Variants in PTBP2 observed in about 807,000 individuals in gnomAD.
PTBP2 encodes polypyrimidine tract binding protein 2, also known as polypyrimidine tract-binding protein 2.
In PTBP2, 13 loss-of-function variants were observed where a neutral mutation model predicts 61.4. The ratio of observed to expected loss-of-function variants is 0.21; its 90% CI spans 0.14 to 0.34. The LOEUF is 0.34. Among genes scored for constraint, PTBP2 ranks in the 10% least tolerant of loss-of-function variants. The pLI, the probability that PTBP2 is intolerant of heterozygous loss-of-function variation, is 1.00. For synonymous variants in PTBP2, 215 were observed against 218.5 expected (o/e 0.98, Z 0.14); for missense variants, 405 against 642.6 (o/e 0.63, Z 4.00).
intron 11 of PTBP2, among the ~76,000 whole-genome samples, chr1:96,811,640 C>G (rs576947359): frequency 5.5e-4 from 84 of 152,242 alleles, no homozygotes; most frequent in Non-Finnish European, 8.1e-4. Flanking sequence ...TGGTCTCGAA[C>G]TCCTAGACCT....
chr1:96,812,673 T>G, intron 11 of PTBP2, 39 bp from the exon 12 acceptor site: 1 of 1,400,848 alleles, frequency 7.1e-7, no homozygotes, highest in African/African-American at 1.4e-5. Flanking sequence ...GTTTTGAGCT[T>G]TGATATTGTT....
chr1:96,786,031 G>A (rs890290004), intron 8 of PTBP2, among the ~76,000 whole-genome samples: 9 of 152,102 alleles, frequency 5.9e-5, no homozygotes, highest in African/African-American at 2.2e-4. Flanking sequence ...TTGATTTCTA[G>A]TATTGGTAAG....
chr1:96,722,347 T>C (rs1377183026), intron 1 of PTBP2, among the ~76,000 whole-genome samples: 4 of 151,768 alleles, frequency 2.6e-5, no homozygotes, highest in Non-Finnish European at 2.9e-5. Flanking sequence ...ACCCCAGCCA[T>C]GAGCAACCTC....
chr1:96,750,392 G>GTT (rs200064706), intron 2 of PTBP2, among the ~76,000 whole-genome samples: 8 of 145,824 alleles, frequency 5.5e-5, no homozygotes, highest in South Asian at 4.3e-4. Flanking sequence ...GTATTTTTCT[G>GTT]TTTTTTTTTT....
Position 96,751,512 on chromosome 1 carries a change from T to A in PTBP2, c.115+12T>A. Reference sequence around the variant, plus strand: ...CATGGTAGTTACAGGTAAGTGTTACTCTCTTAGCAGTCTGTCATTTGCCAT... The same window carrying A: ...CATGGTAGTTACAGGTAAGTGTTACACTCTTAGCAGTCTGTCATTTGCCAT... On this transcript the variant is annotated intron_variant, in intron 3 of 13. Transcript: ENST00000674951. 1 of 1,601,504 alleles carries A rather than the reference T, an allele frequency of 6.2e-7. No individual in the cohort carries two copies. Among genetic ancestry groups the A allele is most frequent in the Non-Finnish European group, 8.5e-7 (1 of 1,169,790 alleles).
intron 5 of PTBP2, among the ~76,000 whole-genome samples, chr1:96,776,742 G>A (rs1367928944): frequency 6.6e-6 from 1 of 151,312 alleles, no homozygotes; most frequent in Non-Finnish European, 1.5e-5. Flanking sequence ...AACAGGAAAG[G>A]GATAATAGTA....
intron 3 of PTBP2, among the ~76,000 whole-genome samples, chr1:96,757,782 A>G (rs368865808): frequency 2.0e-5 from 3 of 152,240 alleles, no homozygotes; most frequent in African/African-American, 7.2e-5. Context: ...CATCTAGGAA[A>G]GTACTAAATA....
At chr1:96,740,446 C>G (rs1046853820) in intron 2 of PTBP2, among the ~76,000 whole-genome samples, 2 of 152,158 alleles carry the variant, frequency 1.3e-5, no homozygotes, top group Admixed American at 6.5e-5. Context: ...AGGCCTTACT[C>G]TCATGATCTC....
chr1:96,817,554 G>A (rs1363011015), downstream of PTBP2: 4 of 151,820 alleles, frequency 2.6e-5, no homozygotes, highest in East Asian at 7.7e-4. Flanking sequence ...GTTCAAATAC[G>A]CGGAAAAATA....
Position 96,749,651 on chromosome 1 carries a change from A to T in PTBP2, c.40-1774A>T, listed in dbSNP as rs1362009105. 2.9e-5 allele frequency: 13 copies of T among 455,912 alleles called. No homozygotes were observed. The highest frequency in any genetic ancestry group is 1.1e-4 in the South Asian group (7 of 64,542). The allele number at this position is 455,912 out of a possible 1,614,324, so 28.2% of individuals were successfully genotyped here. On this transcript the variant is annotated intron_variant, in intron 2 of 13. Transcript: ENST00000674951. ...CTTGACCTTCAGTTTTTTTGGTCTG[A>T]GAACAAAGGCCAAAAAATATGTAAC...
chr1:96,776,692 A>T (rs1319510760), intron 5 of PTBP2, among the ~76,000 whole-genome samples: 3 of 151,856 alleles, frequency 2.0e-5, no homozygotes, highest in Non-Finnish European at 1.5e-5. Flanking sequence ...CAGATAAGGT[A>T]GAAAGAAATT....
rs768207326 is a variant in PTBP2 at position 96,812,699 on chromosome 1, T to C, written c.1172-13T>C. The C allele has an allele frequency of 6.5e-7, 1 of 1,534,330 alleles. No individual in the cohort carries two copies. Among genetic ancestry groups the C allele is most frequent in the Non-Finnish European group, 9.0e-7 (1 of 1,111,904 alleles). On this transcript the variant is annotated splice_polypyrimidine_tract_variant and intron_variant, in intron 11 of 13. Coordinates refer to ENST00000674951, the MANE Select transcript of PTBP2 (RefSeq NM_021190.4). ...TGATATTGTTTGTTAATAGACATGCTTTCTTTTTATAGCCATGAATCATCT... is the reference window on the plus strand; with the variant it reads ...TGATATTGTTTGTTAATAGACATGCCTTCTTTTTATAGCCATGAATCATCT...
intron 11 of PTBP2, among the ~76,000 whole-genome samples, chr1:96,812,381 T>C (rs1288017345): frequency 6.6e-6 from 1 of 152,200 alleles, no homozygotes; most frequent in African/African-American, 2.4e-5. Flanking sequence ...GCAATTAGGA[T>C]GTGTAACAGA....
At chr1:96,729,011 A>G (rs139425576) in intron 2 of PTBP2, among the ~76,000 whole-genome samples, 7 of 152,208 alleles carry the variant, frequency 4.6e-5, no homozygotes, top group African/African-American at 1.4e-4. Flanking sequence ...AGTAGATCTA[A>G]TAGTTTTTTT....
At chr1:96,787,871 C>A (rs1659379294) in intron 8 of PTBP2, among the ~76,000 whole-genome samples, 1 of 152,042 alleles carries the variant, frequency 6.6e-6, no homozygotes, top group African/African-American at 2.4e-5. Flanking sequence ...TATTAAAACA[C>A]CCTTGTACTT....
At chr1:96,764,352 A>G (rs1379383393) in intron 3 of PTBP2, among the ~76,000 whole-genome samples, 3 of 152,254 alleles carry the variant, frequency 2.0e-5, no homozygotes, top group Non-Finnish European at 2.9e-5. Context: ...AAGTAGCATT[A>G]GAATTTGATT....
At chr1:96,815,642 A>G (rs545151601), downstream of PTBP2, 5 of 152,324 alleles carry the variant, frequency 3.3e-5, no homozygotes, top group Admixed American at 3.3e-4. Flanking sequence ...ACTTACACAT[A>G]GGATAATAAA....
chr1:96,739,146 AT>A (rs1652633520), intron 2 of PTBP2, among the ~76,000 whole-genome samples: 1 of 152,114 alleles, frequency 6.6e-6, no homozygotes, highest in Admixed American at 6.5e-5. Flanking sequence ...GTTTTTTGTA[AT>A]TCTTTATATA....
chr1:96,763,250 G>C (rs1406837964), intron 3 of PTBP2, among the ~76,000 whole-genome samples: 2 of 152,074 alleles, frequency 1.3e-5, no homozygotes, highest in African/African-American at 2.4e-5. Flanking sequence ...AGGTTGTAAC[G>C]AGCCGAGATC....
Sources: allele counts gnomAD v4.1 joint callset (sites outside exome capture counted in the v4.1 genomes callset), GRCh38; gene constraint gnomAD v4.1.1; transcripts MANE v1.5; gene names NCBI Gene and HGNC (gene_info 2026-07-23, HGNC 2026-07-21).